The following PHACTR1 variants were observed in gnomAD, a reference collection of about 807,000 sequenced individuals.
The protein encoded by PHACTR1 is RPEL repeat containing 1.
In PHACTR1, 16 loss-of-function variants were observed where a neutral mutation model predicts 69.2. That is an observed-to-expected ratio of 0.23 (90% CI 0.16 to 0.35). The LOEUF (loss-of-function observed/expected upper bound fraction) is 0.35, where lower values mean the gene tolerates loss of function less well. Ranked by LOEUF, PHACTR1 falls within the 10% of genes least tolerant of loss-of-function variation. The probability of loss-of-function intolerance (pLI) is 1.00; values close to 1 mark genes in which losing one functional copy is unlikely to be tolerated. For missense variants in PHACTR1, 510 were observed against 734.7 expected, an observed-to-expected ratio of 0.69 and a Z score of 3.54; for synonymous variants, 312 against 284.5, an observed-to-expected ratio of 1.10 and a Z score of -0.97.
In PHACTR1 at chr6:13,231,094, G is replaced by A. The variant is rs369214999; in HGVS notation, c.1391+901G>A. Among the ~76,000 whole-genome samples, 13 of 57,046 alleles carry A rather than the reference G, an allele frequency of 2.3e-4. 2 individuals carry two copies. The highest frequency in any genetic ancestry group is 3.2e-4 in the African/African-American group (5 of 15,746). 37.4% of individuals were successfully genotyped at this position (57,046 alleles called of 152,430 possible). On this transcript the variant is annotated intron_variant, in intron 10 of 14. Transcript: ENST00000332995. ...AAGGAAGGAAGGAAGGAAGAAGGAA[G>A]GAAGGGAAAAGAAAGAAGGAAAGAG...
intron 1 of PHACTR1, among the ~76,000 whole-genome samples, chr6:12,717,155 A>G (rs971276467): frequency 6.6e-6 from 1 of 152,078 alleles, no homozygotes; most frequent in Non-Finnish European, 1.5e-5. Flanking sequence ...TGTCTAACGT[A>G]TGTTAAGCTA....
At chr6:12,899,931 A>ACTGGGGACACAGCTTGC (rs1785025807) in intron 4 of PHACTR1, among the ~76,000 whole-genome samples, 1 of 152,144 alleles carries the variant, frequency 6.6e-6, no homozygotes, top group Non-Finnish European at 1.5e-5. Context: ...GGCCATCATC[A>ACTGGGGACACAGCTTGC]CTGGGGACAC....
chr6:13,118,927 G>A (rs1219164576), intron 5 of PHACTR1, among the ~76,000 whole-genome samples: 1 of 152,140 alleles, frequency 6.6e-6, no homozygotes, highest in African/African-American at 2.4e-5. Context: ...TGCCTCATCT[G>A]TAAAATGGGA....
intron 4 of PHACTR1, among the ~76,000 whole-genome samples, chr6:12,777,485 T>C (rs745420965): frequency 5.3e-5 from 8 of 152,202 alleles, no homozygotes; most frequent in Admixed American, 1.3e-4. Context: ...AGAACATGCG[T>C]ATTTCATTTT....
intron 4 of PHACTR1, among the ~76,000 whole-genome samples, chr6:12,832,467 A>C (rs1293812276): frequency 6.6e-6 from 1 of 152,130 alleles, no homozygotes; most frequent in Non-Finnish European, 1.5e-5. Flanking sequence ...TTACAAAATA[A>C]TTTATGGCCT....
In PHACTR1 at chr6:12,946,805, A is replaced by ATTTTTT. The variant is rs11412388; in HGVS notation, c.251-106540_251-106535dup. ...ACATACAGTGCAATGATGGTGCTGG[A>ATTTTTT]TTTTTTTTTTTTTTTTTTTTTTTTT... is the stretch of plus-strand genomic sequence containing the variant. On this transcript the variant is annotated intron_variant, in intron 4 of 14. Coordinates refer to ENST00000332995, the MANE Select transcript of PHACTR1 (RefSeq NM_030948.6). 2.6e-4 allele frequency among the ~76,000 whole-genome samples: 22 copies of ATTTTTT among 85,210 alleles called. 1 individual carries two copies. Among genetic ancestry groups the ATTTTTT allele is most frequent in the South Asian group, 8.3e-4 (2 of 2,396 alleles). The allele number at this position is 85,210 out of a possible 152,430, so 55.9% of individuals were successfully genotyped here. A position where few individuals can be genotyped will look rare whatever the true frequency, so the allele number is the denominator to read the frequency against.
intron 4 of PHACTR1, among the ~76,000 whole-genome samples, chr6:12,862,304 G>A (rs114308508): frequency 6.6e-6 from 1 of 152,312 alleles, no homozygotes; most frequent in African/African-American, 2.4e-5. Flanking sequence ...TGAGTCCTGT[G>A]GAGATCTGGA....
chr6:13,155,794 A>T (rs1267212022), intron 5 of PHACTR1, among the ~76,000 whole-genome samples: 1 of 152,076 alleles, frequency 6.6e-6, no homozygotes, highest in East Asian at 1.9e-4. Flanking sequence ...AGGCTGAGGC[A>T]GGAGAATCAC....
intron 10 of PHACTR1, among the ~76,000 whole-genome samples, chr6:13,234,279 TAG>T (rs1771666772): frequency 6.6e-6 from 1 of 152,252 alleles, no homozygotes; most frequent in East Asian, 1.9e-4. Flanking sequence ...CTGAGGGCAT[TAG>T]ACTAGGTCAT....
intron 4 of PHACTR1, among the ~76,000 whole-genome samples, chr6:13,022,006 G>T (rs1238756616): frequency 6.6e-6 from 1 of 152,214 alleles, no homozygotes; most frequent in African/African-American, 2.4e-5. Context: ...CAGCTGAGCT[G>T]TCTGTCCGGT....
chr6:13,054,883 C>G (rs1806538895), intron 5 of PHACTR1, among the ~76,000 whole-genome samples: 1 of 152,158 alleles, frequency 6.6e-6, no homozygotes, highest in Admixed American at 6.5e-5. Context: ...TCCTTCTTCC[C>G]TCTACATCCT....
At chr6:12,829,964 AAGAGAGAG>A (rs149861206) in intron 4 of PHACTR1, among the ~76,000 whole-genome samples, 39 of 99,944 alleles carry the variant, frequency 3.9e-4, no homozygotes, top group South Asian at 1.5e-3. Flanking sequence ...TCAAGAAAGA[AAGAGAGAG>A]AGAGAGAGAG....
chr6:13,169,934 GT>G (rs1172219940), intron 6 of PHACTR1, among the ~76,000 whole-genome samples: 1 of 152,150 alleles, frequency 6.6e-6, no homozygotes, highest in Non-Finnish European at 1.5e-5. Context: ...GAGTTTGTTG[GT>G]GCTCATTTCA....
At chr6:13,270,858 CA>C (rs1777554291) in intron 10 of PHACTR1, among the ~76,000 whole-genome samples, 1 of 152,028 alleles carries the variant, frequency 6.6e-6, no homozygotes, top group East Asian at 1.9e-4. Flanking sequence ...GCTATACAGG[CA>C]GCATGGCCCT....
intron 4 of PHACTR1, among the ~76,000 whole-genome samples, chr6:12,980,994 C>T (rs554003441): frequency 9.8e-5 from 15 of 152,338 alleles, no homozygotes; most frequent in African/African-American, 3.4e-4. Context: ...TTCTCCTTGA[C>T]ATAAACCTGG....
intron 3 of PHACTR1, among the ~76,000 whole-genome samples, chr6:12,732,280 TTC>T (rs1294795637): frequency 1.3e-5 from 2 of 150,680 alleles, no homozygotes; most frequent in African/African-American, 4.9e-5. Context: ...TATTCTTATA[TTC>T]TTTTTACACA....
intron 4 of PHACTR1, among the ~76,000 whole-genome samples, chr6:12,807,509 A>G (rs1026491260): frequency 2.0e-5 from 3 of 152,188 alleles, no homozygotes; most frequent in African/African-American, 7.2e-5. Context: ...GACCTGAGAA[A>G]GATAGGGCAG....
At chr6:12,840,412 T>C (rs1319408882) in intron 4 of PHACTR1, among the ~76,000 whole-genome samples, 1 of 152,198 alleles carries the variant, frequency 6.6e-6, no homozygotes, top group Non-Finnish European at 1.5e-5. Context: ...ACTTGCTCCA[T>C]CATGCTAACA....
chr6:12,983,402 A>G (rs1056571803), intron 4 of PHACTR1, among the ~76,000 whole-genome samples: 1 of 152,240 alleles, frequency 6.6e-6, no homozygotes, highest in Non-Finnish European at 1.5e-5. Context: ...GAGGGCGGGA[A>G]GAGCACTCCA....
Sources: allele counts gnomAD v4.1 joint callset (sites outside exome capture counted in the v4.1 genomes callset), GRCh38; gene constraint gnomAD v4.1.1; transcripts MANE v1.5; gene names NCBI Gene and HGNC (gene_info 2026-07-23, HGNC 2026-07-21).